The following FGF12 variants were observed in gnomAD, a reference collection of about 807,000 sequenced individuals.
The protein encoded by FGF12 is fibroblast growth factor 12B.
A neutral mutation model predicts 23.6 loss-of-function variants in FGF12; 14 were observed. That is an observed-to-expected ratio of 0.59 (90% CI 0.39 to 0.93). FGF12 has a LOEUF of 0.93. Ranked by LOEUF, FGF12 falls within the 40% of genes least tolerant of loss-of-function variation. The pLI is 0.00. For synonymous variants in FGF12, 62 were observed against 77.3 expected (o/e 0.80, Z 1.04); for missense variants, 175 against 217.8 (o/e 0.80, Z 1.24).
At chr3:192,362,577 C>G (rs191539823) in intron 2 of FGF12, among the ~76,000 whole-genome samples, 8 of 152,186 alleles carry the variant, frequency 5.3e-5, no homozygotes, top group Non-Finnish European at 1.0e-4. Flanking sequence ...GTGGTAGACT[C>G]ACCTATAGAT....
At chr3:192,524,323 C>G (rs1190822900) in intron 2 of FGF12, among the ~76,000 whole-genome samples, 1 of 152,170 alleles carries the variant, frequency 6.6e-6, no homozygotes, top group Admixed American at 6.5e-5. Flanking sequence ...CAGAAGGCAG[C>G]CATTCATTTA....
At chr3:192,217,969 T>C (rs549044878) in intron 4 of FGF12, among the ~76,000 whole-genome samples, 9 of 152,188 alleles carry the variant, frequency 5.9e-5, no homozygotes, top group African/African-American at 1.9e-4. Context: ...CCCGAGTAGC[T>C]GGGATTACAG....
intron 4 of FGF12, among the ~76,000 whole-genome samples, chr3:192,212,315 G>C (rs1044955497): frequency 1.4e-4 from 21 of 152,138 alleles, no homozygotes; most frequent in Non-Finnish European, 2.1e-4. Flanking sequence ...CTGTCATTTT[G>C]CAGCTATGAA....
chr3:192,405,572 A>T (rs1720924637), intron 2 of FGF12, among the ~76,000 whole-genome samples: 1 of 146,972 alleles, frequency 6.8e-6, no homozygotes, highest in Admixed American at 6.6e-5. Flanking sequence ...TTAGTTCACA[A>T]TGATATGGCT....
chr3:192,204,847 A>C (rs1478512978), intron 4 of FGF12, among the ~76,000 whole-genome samples: 2 of 152,030 alleles, frequency 1.3e-5, no homozygotes, highest in Non-Finnish European at 2.9e-5. Context: ...GATCGCACCA[A>C]GACTGTACTC....
chr3:192,519,746 G>T (rs924502740), intron 2 of FGF12, among the ~76,000 whole-genome samples: 2 of 152,140 alleles, frequency 1.3e-5, no homozygotes, highest in Admixed American at 1.3e-4. Context: ...TGTAAGAGCT[G>T]TTCCTTCTCC....
At chr3:192,643,835 A>C (rs1220111406) in intron 2 of FGF12, among the ~76,000 whole-genome samples, 2 of 152,240 alleles carry the variant, frequency 1.3e-5, no homozygotes, top group African/African-American at 4.8e-5. Flanking sequence ...ACAAATGAAA[A>C]AACAGTTGAA....
chr3:192,663,162 C>G (rs1716733776), intron 2 of FGF12, among the ~76,000 whole-genome samples: 3 of 152,140 alleles, frequency 2.0e-5, no homozygotes, highest in Admixed American at 6.5e-5. Context: ...TGTAGAAGTG[C>G]TTTGTAAATG....
At chr3:192,656,306 CACACACACACACACAGAG>C (rs1280775916) in intron 2 of FGF12, among the ~76,000 whole-genome samples, 5 of 93,206 alleles carry the variant, frequency 5.4e-5, no homozygotes, top group East Asian at 3.7e-4. Flanking sequence ...CACACACACA[CACACACACACACACAGAG>C]AGAGAATTAT....
chr3:192,319,426 G>A (rs572373146), intron 4 of FGF12, among the ~76,000 whole-genome samples: 6 of 151,874 alleles, frequency 4.0e-5, no homozygotes, highest in African/African-American at 1.2e-4. Flanking sequence ...GTGAAACTTC[G>A]CCTCTACTAA....
chr3:192,662,716 A>T (rs1944300781), intron 2 of FGF12, among the ~76,000 whole-genome samples: 1 of 152,164 alleles, frequency 6.6e-6, no homozygotes, highest in Admixed American at 6.5e-5. Flanking sequence ...ATCAATAAGG[A>T]CCCAGCCTTT....
intron 2 of FGF12, among the ~76,000 whole-genome samples, chr3:192,639,452 C>A (rs562611856): frequency 6.6e-6 from 1 of 152,246 alleles, no homozygotes. Flanking sequence ...CTCCTCTGGG[C>A]ATACGCCCCC....
At chr3:192,707,980 G>A (rs1253567358) in intron 2 of FGF12, among the ~76,000 whole-genome samples, 1 of 151,350 alleles carries the variant, frequency 6.6e-6, no homozygotes, top group African/African-American at 2.4e-5. Context: ...TTATTTTTGA[G>A]ACGGAGTCTC....
At chr3:192,379,031 T>C (rs1463838426) in intron 2 of FGF12, among the ~76,000 whole-genome samples, 1 of 152,202 alleles carries the variant, frequency 6.6e-6, no homozygotes, top group African/African-American at 2.4e-5. Flanking sequence ...TGTTCCTGCA[T>C]TAGTCTAAGG....
chr3:192,628,484 C>CACAG (rs1553841167), intron 2 of FGF12, among the ~76,000 whole-genome samples: 8 of 100,484 alleles, frequency 8.0e-5, no homozygotes, highest in African/African-American at 2.8e-4. Context: ...CACACACACA[C>CACAG]ACAGACATAT....
intron 3 of FGF12, among the ~76,000 whole-genome samples, chr3:192,353,902 T>G (rs1296613827): frequency 6.6e-6 from 1 of 152,220 alleles, no homozygotes; most frequent in East Asian, 1.9e-4. Context: ...GAACATCTGT[T>G]TAATTTTTTG....
chr3:192,148,442 G>A (rs1293029865), intron 5 of FGF12, among the ~76,000 whole-genome samples: 3 of 152,182 alleles, frequency 2.0e-5, no homozygotes, highest in Non-Finnish European at 2.9e-5. Context: ...TACTTGCCAG[G>A]GGCTGGGGAA....
chr3:192,303,239 C>T (rs958399501), intron 4 of FGF12, among the ~76,000 whole-genome samples: 1 of 152,118 alleles, frequency 6.6e-6, no homozygotes, highest in African/African-American at 2.4e-5. Context: ...AAAAAATGGG[C>T]TTCACAAAAA....
intron 2 of FGF12, among the ~76,000 whole-genome samples, chr3:192,647,213 G>A (rs556264585): frequency 6.6e-6 from 1 of 152,196 alleles, no homozygotes; most frequent in Admixed American, 6.5e-5. Flanking sequence ...AGTACAGTTA[G>A]GAAGTCTCCT....
Sources: allele counts gnomAD v4.1 joint callset (sites outside exome capture counted in the v4.1 genomes callset), GRCh38; gene constraint gnomAD v4.1.1; transcripts MANE v1.5; gene names NCBI Gene and HGNC (gene_info 2026-07-23, HGNC 2026-07-21).